NRXN3: variants seen among roughly 807,000 people sequenced by gnomAD.
NRXN3 encodes the protein neurexin 3, also known as neurexin III.
A neutral mutation model predicts 137.6 loss-of-function variants in NRXN3; 32 were observed. That is an observed-to-expected ratio of 0.23 (90% CI 0.18 to 0.31). The LOEUF (loss-of-function observed/expected upper bound fraction) is 0.31. Ranked by LOEUF, NRXN3 falls within the 10% of genes least tolerant of loss-of-function variation. NRXN3 has a pLI of 1.00. For synonymous variants in NRXN3, 798 were observed against 784.5 expected (o/e 1.02, Z -0.29); for missense variants, 1,574 against 2,062.5 (o/e 0.76, Z 4.59).
intron 16 of NRXN3, among the ~76,000 whole-genome samples, chr14:79,552,983 C>T (rs1440377647): frequency 1.3e-5 from 2 of 151,896 alleles, no homozygotes; most frequent in East Asian, 3.9e-4. Context: ...CATTGCATTC[C>T]TTCTGGATAA....
At chr14:79,326,473 G>T (rs998971209) in intron 15 of NRXN3, among the ~76,000 whole-genome samples, 2 of 152,246 alleles carry the variant, frequency 1.3e-5, no homozygotes, top group South Asian at 2.1e-4. Context: ...ACATCTCACC[G>T]CAAGGACTTT....
chr14:78,804,909 G>A (rs1262568878), intron 9 of NRXN3, among the ~76,000 whole-genome samples: 1 of 152,130 alleles, frequency 6.6e-6, no homozygotes, highest in Non-Finnish European at 1.5e-5. Flanking sequence ...GAATATGTTT[G>A]GATACAGTGA....
chr14:78,245,018 CT>C (rs1179831125), intron 2 of NRXN3, among the ~76,000 whole-genome samples: 1 of 152,204 alleles, frequency 6.6e-6, no homozygotes, highest in Non-Finnish European at 1.5e-5. Flanking sequence ...TTACTCACGG[CT>C]TAGATTTGGG....
intron 4 of NRXN3, among the ~76,000 whole-genome samples, chr14:78,433,962 G>A (rs531270725): frequency 2.0e-5 from 3 of 150,968 alleles, no homozygotes; most frequent in African/African-American, 7.3e-5. Context: ...TGAAAATATT[G>A]TAAGTTGAAA....
chr14:78,855,052 T>C (rs1199488681), intron 10 of NRXN3, among the ~76,000 whole-genome samples: 1 of 151,896 alleles, frequency 6.6e-6, no homozygotes, highest in Non-Finnish European at 1.5e-5. Flanking sequence ...TAGTCCCAGC[T>C]ACTCGGGAGG....
intron 15 of NRXN3, among the ~76,000 whole-genome samples, chr14:79,215,074 C>T (rs976316524): frequency 6.6e-5 from 10 of 152,242 alleles, no homozygotes; most frequent in Admixed American, 6.5e-4. Flanking sequence ...ACTAGCACTC[C>T]TCAGGGATGC....
At chr14:78,399,856 A>T (rs764142798) in intron 4 of NRXN3, among the ~76,000 whole-genome samples, 117 of 152,238 alleles carry the variant, frequency 7.7e-4, no homozygotes, top group Non-Finnish European at 1.5e-3. Context: ...ATGGTAGAAA[A>T]AGTCCTCCGG....
intron 4 of NRXN3, among the ~76,000 whole-genome samples, chr14:78,486,405 C>T (rs2095559732): frequency 6.6e-6 from 1 of 152,130 alleles, no homozygotes; most frequent in African/African-American, 2.4e-5. Context: ...ACTTATAGTC[C>T]AGGTATGTGT....
chr14:79,380,197 T>A (rs2094429768), intron 15 of NRXN3, among the ~76,000 whole-genome samples: 5 of 149,588 alleles, frequency 3.3e-5, no homozygotes. Flanking sequence ...TTATTTATTT[T>A]TATTTTATTA....
intron 19 of NRXN3, among the ~76,000 whole-genome samples, chr14:79,766,383 A>C (rs1276735428): frequency 6.6e-6 from 1 of 152,168 alleles, no homozygotes; most frequent in Non-Finnish European, 1.5e-5. Context: ...CTTATGTATC[A>C]GTGAGTTATC....
intron 8 of NRXN3, among the ~76,000 whole-genome samples, chr14:78,771,017 G>A (rs1336208779): frequency 1.3e-5 from 2 of 152,186 alleles, no homozygotes; most frequent in Non-Finnish European, 2.9e-5. Flanking sequence ...AGTCTCCTGT[G>A]GTTCCATGCT....
intron 15 of NRXN3, among the ~76,000 whole-genome samples, chr14:79,001,789 T>A (rs1186272865): frequency 6.6e-6 from 1 of 152,204 alleles, no homozygotes; most frequent in Non-Finnish European, 1.5e-5. Context: ...TTTGTGGCAT[T>A]TGTCAATTAA....
chr14:79,154,665 T>A (rs2060095689), intron 15 of NRXN3, among the ~76,000 whole-genome samples: 1 of 151,806 alleles, frequency 6.6e-6, no homozygotes, highest in African/African-American at 2.4e-5. Context: ...ACTGAAAAAA[T>A]TCCCATCATA....
intron 8 of NRXN3, among the ~76,000 whole-genome samples, chr14:78,758,108 G>A (rs1199560273): frequency 2.0e-5 from 3 of 152,116 alleles, no homozygotes; most frequent in Non-Finnish European, 2.9e-5. Flanking sequence ...TAAGGGCTGT[G>A]CAAAATGAAC....
intron 4 of NRXN3, among the ~76,000 whole-genome samples, chr14:78,585,139 A>AGGGC (rs1335735783): frequency 5.4e-4 from 63 of 117,458 alleles, no homozygotes; most frequent in African/African-American, 1.9e-3. Flanking sequence ...AGGGGAGATA[A>AGGGC]GGGGGGGGGG....
intron 4 of NRXN3, among the ~76,000 whole-genome samples, chr14:78,406,437 G>T (rs780521614): frequency 2.0e-5 from 3 of 152,194 alleles, no homozygotes; most frequent in Non-Finnish European, 2.9e-5. Context: ...AACTGTGGCT[G>T]GGGGTAGACA....
chr14:78,606,361 T>G (rs932292879), intron 4 of NRXN3, among the ~76,000 whole-genome samples: 6 of 152,232 alleles, frequency 3.9e-5, no homozygotes, highest in Admixed American at 3.9e-4. Flanking sequence ...TTTGATCATG[T>G]GATTTCCTTG....
intron 10 of NRXN3, among the ~76,000 whole-genome samples, chr14:78,918,455 C>T (rs564106749): frequency 6.6e-6 from 1 of 152,034 alleles, no homozygotes; most frequent in East Asian, 1.9e-4. Context: ...CAGAAGTAAC[C>T]ATGACACGTT....
intron 15 of NRXN3, among the ~76,000 whole-genome samples, chr14:79,060,686 T>C (rs1341162992): frequency 2.6e-5 from 4 of 152,178 alleles, no homozygotes. Context: ...GGTAAGTTAT[T>C]TAACTTCTCC....
Sources: allele counts gnomAD v4.1 joint callset (sites outside exome capture counted in the v4.1 genomes callset), GRCh38; gene constraint gnomAD v4.1.1; transcripts MANE v1.5; gene names NCBI Gene and HGNC (gene_info 2026-07-23, HGNC 2026-07-21).